Variants in ATP10B observed in about 807,000 individuals in gnomAD.
ATP10B encodes phospholipid-transporting ATPase VB.
A neutral mutation model predicts 141.2 loss-of-function variants in ATP10B; 122 were observed. That is an observed-to-expected ratio of 0.86 (90% confidence interval 0.75 to 1.00). ATP10B has a LOEUF of 1.00. Ranked by LOEUF, ATP10B falls within the 50% of genes least tolerant of loss-of-function variation. The pLI is 0.00. For missense variants in ATP10B, 1,876 were observed against 1,825.3 expected (o/e 1.03, Z -0.51); for synonymous variants, 685 against 692.0 (o/e 0.99, Z 0.16).
intron 2 of ATP10B, among the ~76,000 whole-genome samples, chr5:160,750,242 T>C (rs1268023263): frequency 6.6e-6 from 1 of 152,196 alleles, no homozygotes; most frequent in Admixed American, 6.5e-5. Context: ...ATGACACCTG[T>C]TTCAGACTCT....
intron 24 of ATP10B, among the ~76,000 whole-genome samples, chr5:160,574,860 G>A (rs1199066767): frequency 6.7e-6 from 1 of 150,098 alleles, no homozygotes; most frequent in African/African-American, 2.5e-5. Context: ...TTTGAAGCAG[G>A]GAGCAGTGCT....
At chr5:160,693,439 C>T (rs929065872) in intron 3 of ATP10B, among the ~76,000 whole-genome samples, 5 of 142,696 alleles carry the variant, frequency 3.5e-5, no homozygotes, top group Non-Finnish European at 8.0e-5. Context: ...CACACACACA[C>T]ACACACACAC....
chr5:160,662,235 G>T (rs1186927408), intron 7 of ATP10B, among the ~76,000 whole-genome samples: 1 of 152,128 alleles, frequency 6.6e-6, no homozygotes, highest in African/African-American at 2.4e-5. Flanking sequence ...GTAATTTATA[G>T]ATTCAATGCC....
the ATP10B span, among the ~76,000 whole-genome samples, chr5:160,869,222 A>G: frequency 2.0e-5 from 3 of 152,166 alleles, no homozygotes; most frequent in African/African-American, 7.2e-5. Context: ...AGTTGCTATT[A>G]TTACCACACT....
In ATP10B at chr5:160,602,687, C is replaced by T. The variant is rs528980708; in HGVS notation, c.3253G>A (p.Asp1085Asn). ...QEGMQAVMSS[D>N]FAITRFKHLK... is the part of the protein sequence containing the mutation. ...TGCTTAAAGCGGGTGATGGCAAAGT[C>T]GCTGGACATGACAGCCTGAGAGGTG... is the stretch of plus-strand genomic sequence containing the variant. Residue 1085 changes from aspartate (D) to asparagine (N), a missense_variant, in exon 21 of 26, where the codon GAC becomes AAC. By Grantham distance (23) the Asp-to-Asn change is conservative. Coordinates refer to ENST00000327245, the MANE Select transcript of ATP10B (RefSeq NM_025153.3). The T allele has an allele frequency of 4.8e-5, 78 of 1,613,940 alleles. No homozygotes were observed. Among genetic ancestry groups the T allele is most frequent in the Admixed American group, 3.2e-4 (19 of 60,022 alleles).
chr5:160,614,907 A>G (rs1030243665), intron 17 of ATP10B, among the ~76,000 whole-genome samples: 1 of 152,108 alleles, frequency 6.6e-6, no homozygotes, highest in Non-Finnish European at 1.5e-5. Flanking sequence ...TGGCCAGTGC[A>G]TGCTGTTTGG....
intron 22 of ATP10B, among the ~76,000 whole-genome samples, chr5:160,598,563 C>T (rs1756888566): frequency 6.6e-6 from 1 of 151,610 alleles, no homozygotes; most frequent in Admixed American, 6.6e-5. Context: ...ATTAAAAATA[C>T]CCACTAGTCT....
chr5:160,632,944 G>A (rs2127663593), intron 12 of ATP10B: 1 of 152,306 alleles, frequency 6.6e-6, no homozygotes, highest in East Asian at 1.9e-4. Context: ...AGACATTTAT[G>A]CAGCCAACAA....
Position 160,785,633 on chromosome 5 carries a change from A to G in ATP10B, c.-405T>C, listed in dbSNP as rs1277447943. 5 of 1,265,122 alleles carry G rather than the reference A, an allele frequency of 4.0e-6. No individual in the cohort carries two copies. In the African/African-American group the frequency reaches 6.1e-5, roughly 16 times the overall value. The allele number at this position is 1,265,122 out of a possible 1,614,324, so 78.4% of individuals were successfully genotyped here. On this transcript the variant is annotated 5_prime_UTR_variant, in exon 2 of 26. An upstream start codon of the reference 5' UTR is lost. Coordinates refer to ENST00000327245, the MANE Select transcript of ATP10B (RefSeq NM_025153.3). ...TGAAGTCTCAGTGTTTATTGTTCTC[A>G]TCTTTGTGTCCATGTGTAAGAAATG...
chr5:160,583,256 TGG>T lies in ATP10B; in HGVS notation c.3750+6334_3750+6335del, dbSNP rs543855621. 4.0e-3 allele frequency among the ~76,000 whole-genome samples: 604 copies of T among 152,270 alleles called. 5 individuals carry two copies. Among genetic ancestry groups the T allele is most frequent in the African/African-American group, 0.013 (542 of 41,556 alleles). On this transcript the variant is annotated intron_variant, in intron 24 of 25. Transcript: ENST00000327245. ...GTCTTTGATGTTAGTGAACTTCAGA[TGG>T]GGTTTCTGTATGGGCTTTTTTTTGT... is the stretch of plus-strand genomic sequence containing the variant.
At chr5:160,634,113 C>T (rs1425074835) in intron 12 of ATP10B, 2 of 630,706 alleles carry the variant, frequency 3.2e-6, no homozygotes, top group Admixed American at 4.8e-5. Flanking sequence ...AGACAAAGAT[C>T]AGCTGAAGGG....
intron 14 of ATP10B, 31 bp downstream of exon 14, chr5:160,622,363 C>A (rs534869104): frequency 2.0e-5 from 31 of 1,582,170 alleles, no homozygotes; most frequent in Non-Finnish European, 2.6e-5. Context: ...ACCTCCTTTA[C>A]CCTCCTCCCC....
At chr5:160,749,632 G>A (rs1292193911) in intron 2 of ATP10B, among the ~76,000 whole-genome samples, 1 of 152,096 alleles carries the variant, frequency 6.6e-6, no homozygotes, top group Non-Finnish European at 1.5e-5. Context: ...TGTGGGGCTG[G>A]GTCTCATACC....
chr5:160,777,899 A>G (rs1483369009), intron 2 of ATP10B, among the ~76,000 whole-genome samples: 1 of 152,212 alleles, frequency 6.6e-6, no homozygotes, highest in East Asian at 1.9e-4. Flanking sequence ...GGTTGTGTAT[A>G]CTAATATAAC....
intron 3 of ATP10B, among the ~76,000 whole-genome samples, chr5:160,715,604 C>T (rs1016827381): frequency 2.0e-5 from 3 of 151,892 alleles, no homozygotes; most frequent in Non-Finnish European, 2.9e-5. Flanking sequence ...AGCTGTAGAC[C>T]GGAGCTGTTC....
At position 160,634,422 on chromosome 5, in the gene ATP10B, A is replaced by G. The variant is rs1296269764; in HGVS notation, c.1313T>C (p.Leu438Pro). 2 of 1,614,062 alleles carry G rather than the reference A, an allele frequency of 1.2e-6. No homozygotes were observed. Among genetic ancestry groups the G allele is most frequent in the East Asian group, 2.2e-5 (1 of 44,894 alleles). Residue 438 changes from leucine (L) to proline (P), a missense_variant, in exon 12 of 26, where the codon CTG becomes CCG. Physicochemically the swap from Leu to Pro is moderately conservative, Grantham distance 98 (BLOSUM62 -3). Transcript: ENST00000327245. The stretch of plus-strand genomic sequence containing the variant: ...TCGGAACACCATCTTGTTCTCTGTC[A>G]GGGTCCCCGTCTTATCGGAGAAGAT... ...QYIFSDKTGT[L>P]TENKMVFRRC...
chr5:160,757,318 T>C (rs548574281), intron 2 of ATP10B, among the ~76,000 whole-genome samples: 1 of 152,336 alleles, frequency 6.6e-6, no homozygotes, highest in South Asian at 2.1e-4. Flanking sequence ...TGAAAGTAGT[T>C]ATGCTTTCCT....
At chr5:160,872,334 TTACTC>T in the ATP10B span, among the ~76,000 whole-genome samples, 62 of 152,328 alleles carry the variant, frequency 4.1e-4, 1 homozygote, top group South Asian at 1.0e-2. Flanking sequence ...GGTTGTCTGT[TTACTC>T]TGCTGACTGT....
At chr5:160,586,804 A>C (rs1033597946) in intron 24 of ATP10B, among the ~76,000 whole-genome samples, 1 of 151,994 alleles carries the variant, frequency 6.6e-6, no homozygotes, top group Non-Finnish European at 1.5e-5. Context: ...TCCTTTGCCC[A>C]CTTTTTGATG....
Sources: allele counts gnomAD v4.1 joint callset (sites outside exome capture counted in the v4.1 genomes callset), GRCh38; gene constraint gnomAD v4.1.1; transcripts MANE v1.5; gene names NCBI Gene and HGNC (gene_info 2026-07-23, HGNC 2026-07-21).